The following EFNA5 variants were observed in gnomAD, a reference collection of about 807,000 sequenced individuals.
EFNA5 encodes the protein ephrin A5.
EFNA5 carries 5 observed loss-of-function variants against 22.9 expected under a neutral mutation model. The observed-to-expected ratio is 0.22, with a 90% CI of 0.11 to 0.46. EFNA5 has a LOEUF of 0.46. Among genes scored for constraint, EFNA5 ranks in the 20% least tolerant of loss-of-function variants. The pLI is 0.99. For missense variants in EFNA5, 237 were observed against 293.3 expected, an observed-to-expected ratio of 0.81 and a Z score of 1.40; for synonymous variants, 113 against 112.2, an observed-to-expected ratio of 1.01 and a Z score of -0.04.
rs56868732 is a variant in EFNA5, at chr5:107,580,721, CAAA to C, written c.125+89765_125+89767del. On this transcript the variant is annotated intron_variant, in intron 1 of 4. Coordinates refer to ENST00000333274, the MANE Select transcript of EFNA5 (RefSeq NM_001962.3). ...TGGGCAAAAGAGCAAGACTCCATCT[CAAA>C]AAAAAAAAAAAAAAAAGAAAAGAAA... Among the ~76,000 whole-genome samples the C allele has an allele frequency of 5.4e-3, 450 of 83,658 alleles. 1 individual carries two copies. The highest frequency in any genetic ancestry group is 6.8e-3 in the Non-Finnish European group (296 of 43,806). 54.9% of individuals were successfully genotyped at this position (83,658 alleles called of 152,430 possible). A position where few individuals can be genotyped will look rare whatever the true frequency, so the allele number is the denominator to read the frequency against.
chr5:107,670,045 A>C (rs1339387049), intron 1 of EFNA5, among the ~76,000 whole-genome samples: 17 of 150,940 alleles, frequency 1.1e-4, no homozygotes, highest in Middle Eastern at 3.4e-3. Context: ...AAAAAAAAAA[A>C]AAAAAAAAAA....
chr5:107,520,516 C>T (rs1359523042), intron 1 of EFNA5, among the ~76,000 whole-genome samples: 2 of 152,184 alleles, frequency 1.3e-5, no homozygotes, highest in African/African-American at 4.8e-5. Flanking sequence ...AAATGTTGAG[C>T]ATCTATTTGT....
chr5:107,646,417 T>G (rs750764718), intron 1 of EFNA5, among the ~76,000 whole-genome samples: 1 of 152,174 alleles, frequency 6.6e-6, no homozygotes, highest in Non-Finnish European at 1.5e-5. Flanking sequence ...TTTTAAAAAT[T>G]CTACAACATG....
chr5:107,591,973 T>TA (rs1749361718), intron 1 of EFNA5, among the ~76,000 whole-genome samples: 3 of 39,328 alleles, frequency 7.6e-5, no homozygotes, highest in African/African-American at 3.2e-4. Flanking sequence ...ATATAATATA[T>TA]ATAATATATA....
intron 2 of EFNA5, among the ~76,000 whole-genome samples, chr5:107,423,945 T>C (rs1254235765): frequency 2.0e-5 from 3 of 152,158 alleles, no homozygotes; most frequent in Non-Finnish European, 4.4e-5. Context: ...CTTAATTTTA[T>C]AAAACTCAAA....
chr5:107,447,373 TG>T (rs1749425231), intron 1 of EFNA5, among the ~76,000 whole-genome samples: 1 of 152,214 alleles, frequency 6.6e-6, no homozygotes, highest in South Asian at 2.1e-4. Context: ...CTAATTTGAT[TG>T]ACTTTTCACA....
intron 1 of EFNA5, among the ~76,000 whole-genome samples, chr5:107,531,050 C>G (rs958689631): frequency 5.9e-5 from 9 of 152,188 alleles, no homozygotes; most frequent in Non-Finnish European, 8.8e-5. Flanking sequence ...AGATTTAGAA[C>G]TCACTAAAAA....
intron 1 of EFNA5, among the ~76,000 whole-genome samples, chr5:107,562,618 A>G (rs1435065755): frequency 6.6e-6 from 1 of 152,202 alleles, no homozygotes; most frequent in Non-Finnish European, 1.5e-5. Context: ...AGGATCCTAT[A>G]AAAGAAGCTG....
In EFNA5 at chr5:107,473,786, G is replaced by A. The variant is rs187178107; in HGVS notation, c.126-46277C>T. Among the ~76,000 whole-genome samples, 159 of 151,512 alleles carry A rather than the reference G, an allele frequency of 1.0e-3. 2 individuals carry two copies. The highest frequency in any genetic ancestry group is 3.8e-3 in the African/African-American group (156 of 41,258). ...AGTGATTCTCCTGCCTCAGCCTTCT[G>A]AATAGCTGGGATTACAGGCATGTGC... On this transcript the variant is annotated intron_variant, in intron 1 of 4. Coordinates refer to ENST00000333274, the MANE Select transcript of EFNA5 (RefSeq NM_001962.3).
At chr5:107,523,441 C>T (rs1453870180) in intron 1 of EFNA5, among the ~76,000 whole-genome samples, 2 of 152,290 alleles carry the variant, frequency 1.3e-5, no homozygotes, top group East Asian at 3.9e-4. Context: ...GCCCTTTGTG[C>T]AAACACCCAA....
At chr5:107,665,555 T>C (rs1015132012) in intron 1 of EFNA5, among the ~76,000 whole-genome samples, 4 of 152,222 alleles carry the variant, frequency 2.6e-5, no homozygotes, top group Admixed American at 2.0e-4. Flanking sequence ...AAGACTCTGA[T>C]ACTTTTAATC....
At chr5:107,591,658 T>C (rs1749327520) in intron 1 of EFNA5, among the ~76,000 whole-genome samples, 1 of 148,726 alleles carries the variant, frequency 6.7e-6, no homozygotes, top group South Asian at 2.1e-4. Context: ...TGGTCTCTAC[T>C]AAAAATAGAA....
At chr5:107,628,421 A>G (rs1209381797) in intron 1 of EFNA5, among the ~76,000 whole-genome samples, 1 of 152,162 alleles carries the variant, frequency 6.6e-6, no homozygotes, top group Non-Finnish European at 1.5e-5. Context: ...ATAAAATGAA[A>G]CTCAAAACAA....
intron 1 of EFNA5, among the ~76,000 whole-genome samples, chr5:107,614,483 A>G (rs1393778077): frequency 6.6e-6 from 1 of 152,184 alleles, no homozygotes; most frequent in African/African-American, 2.4e-5. Context: ...GTCATATGAG[A>G]TAACACTCAG....
At chr5:107,482,812 CTGTCTCTCTCTCTGTCTCTG>C (rs1561406218) in intron 1 of EFNA5, among the ~76,000 whole-genome samples, 5 of 82,730 alleles carry the variant, frequency 6.0e-5, no homozygotes, top group South Asian at 5.9e-4. Context: ...CTCTCTCTCT[CTGTCTCTCTCTCTGTCTCTG>C]TCTCTCTCTC....
intron 1 of EFNA5, among the ~76,000 whole-genome samples, chr5:107,475,061 T>G (rs1460001855): frequency 6.6e-6 from 1 of 152,224 alleles, no homozygotes; most frequent in Non-Finnish European, 1.5e-5. Context: ...TTTACTTGAC[T>G]GGGAAATGAC....
At chr5:107,585,543 C>T (rs6895165) in intron 1 of EFNA5, among the ~76,000 whole-genome samples, 32,754 of 152,000 alleles carry the variant, frequency 0.22, 4,816 homozygotes, top group African/African-American at 0.42. Flanking sequence ...GTGAATAGCA[C>T]CCATTTCTTA....
intron 1 of EFNA5, among the ~76,000 whole-genome samples, chr5:107,476,124 T>G (rs529418417): frequency 7.4e-6 from 1 of 135,780 alleles, no homozygotes; most frequent in East Asian, 2.2e-4. Flanking sequence ...CGATCTCGGC[T>G]CACTGCAACC....
rs1179149662 is a variant in EFNA5, at chr5:107,557,087, C to T, written c.125+113402G>A. Among the ~76,000 whole-genome samples, 5 of 152,270 alleles carry T rather than the reference C, an allele frequency of 3.3e-5. No individual in the cohort carries two copies. In the South Asian group the frequency reaches 1.0e-3, roughly 32 times the overall value. On this transcript the variant is annotated intron_variant, in intron 1 of 4. Coordinates refer to ENST00000333274, the MANE Select transcript of EFNA5 (RefSeq NM_001962.3). ...AAGGCTCCTGTTCCAAATCCCTCTCCTAAAACCACCTACATCTCCCTCATT... is the reference window on the plus strand; with the variant it reads ...AAGGCTCCTGTTCCAAATCCCTCTCTTAAAACCACCTACATCTCCCTCATT...
Sources: gnomAD v4.1 joint callset for allele counts (sites outside exome capture counted in the v4.1 genomes callset) on GRCh38, gnomAD v4.1.1 for gene constraint, MANE v1.5 for transcripts, NCBI Gene and HGNC (gene_info 2026-07-23, HGNC 2026-07-21) for gene names.